The following MYO3A variants were observed in gnomAD, a reference collection of about 807,000 sequenced individuals.
MYO3A encodes the protein myosin IIIA, also known as myosin-IIIa.
A neutral mutation model predicts 192.7 loss-of-function variants in MYO3A; 180 were observed. The observed-to-expected ratio is 0.93, with a 90% confidence interval of 0.83 to 1.06. The LOEUF is 1.06. Among genes scored for constraint, MYO3A ranks in the 50% least tolerant of loss-of-function variants. The probability of loss-of-function intolerance (pLI) is 0.00; values close to 1 mark genes in which losing one functional copy is unlikely to be tolerated. For missense variants in MYO3A, 1,896 were observed against 1,905.0 expected, an observed-to-expected ratio of 1.00 and a Z score of 0.09; for synonymous variants, 628 against 645.3, an observed-to-expected ratio of 0.97 and a Z score of 0.41.
intron 2 of MYO3A, among the ~76,000 whole-genome samples, chr10:25,942,908 A>G (rs1457398228): frequency 6.6e-6 from 1 of 151,238 alleles, no homozygotes; most frequent in Non-Finnish European, 1.5e-5. Flanking sequence ...TCTGTTGTTA[A>G]TGTTTTGTAC....
intron 14 of MYO3A, among the ~76,000 whole-genome samples, chr10:26,077,233 G>GTTTTTTTTTTTTGT (rs1835634938): frequency 8.3e-5 from 3 of 36,284 alleles, no homozygotes; most frequent in African/African-American, 2.0e-4. Context: ...TATTCCTAAG[G>GTTTTTTTTTTTTGT]TTTTTTTTTT....
intron 17 of MYO3A, among the ~76,000 whole-genome samples, chr10:26,118,465 T>C (rs1443518981): frequency 2.0e-5 from 3 of 152,186 alleles, no homozygotes; most frequent in Non-Finnish European, 4.4e-5. Flanking sequence ...GCCACTGTTA[T>C]CTCTCACCTA....
chr10:26,140,742 TC>T (rs1285825634), intron 20 of MYO3A, among the ~76,000 whole-genome samples: 1 of 151,918 alleles, frequency 6.6e-6, no homozygotes, highest in East Asian at 1.9e-4. Context: ...GTGTGGGATT[TC>T]CTAACATCTA....
intron 15 of MYO3A, among the ~76,000 whole-genome samples, chr10:26,091,914 G>T (rs148229372): frequency 1.6e-3 from 250 of 152,312 alleles, no homozygotes; most frequent in African/African-American, 5.9e-3. Context: ...AGGCACAGGA[G>T]ACATAAAGCC....
At chr10:26,030,903 C>T (rs1842774233) in intron 10 of MYO3A, among the ~76,000 whole-genome samples, 1 of 152,170 alleles carries the variant, frequency 6.6e-6, no homozygotes, top group South Asian at 2.1e-4. Context: ...TAAAACACAT[C>T]ACTTTTCTAA....
At chr10:26,022,756 A>T (rs1239348510) in intron 8 of MYO3A, 1 of 152,204 alleles carries the variant, frequency 6.6e-6, no homozygotes, top group African/African-American at 2.4e-5. Context: ...CTGTGGATTA[A>T]ACCATCATAT....
intron 4 of MYO3A, among the ~76,000 whole-genome samples, chr10:25,968,547 C>T (rs765304747): frequency 6.6e-5 from 10 of 152,078 alleles, no homozygotes; most frequent in African/African-American, 1.2e-4. Context: ...AAAGAAAAAA[C>T]GCTTTTTAGA....
chr10:25,999,720 A>C (rs1030294684), intron 6 of MYO3A, among the ~76,000 whole-genome samples: 1 of 152,190 alleles, frequency 6.6e-6, no homozygotes, highest in Non-Finnish European at 1.5e-5. Flanking sequence ...CCTCATACTC[A>C]GAATGTCCAA....
intron 33 of MYO3A, 22 bp downstream of exon 33, chr10:26,201,327 C>A: frequency 6.5e-7 from 1 of 1,529,350 alleles, no homozygotes; most frequent in Non-Finnish European, 9.0e-7. Context: ...TTCTGGATTT[C>A]AATCAGTCAT....
intron 23 of MYO3A, among the ~76,000 whole-genome samples, chr10:26,151,171 TA>T (rs2131892159): frequency 6.6e-6 from 1 of 152,324 alleles, no homozygotes. Flanking sequence ...AAATGTTCCA[TA>T]AATGTCAATT....
chr10:26,016,273 T>TA (rs2131042938), intron 6 of MYO3A, among the ~76,000 whole-genome samples: 1 of 152,316 alleles, frequency 6.6e-6, no homozygotes, highest in African/African-American at 2.4e-5. Flanking sequence ...GATGTTGGTT[T>TA]AAATAGATAT....
At chr10:25,997,335 C>G (rs180930598) in intron 6 of MYO3A, 77 bp downstream of exon 6, 2 of 1,103,462 alleles carry the variant, frequency 1.8e-6, no homozygotes, top group Non-Finnish European at 2.8e-6. Context: ...TTTCGAATGG[C>G]CTTCCTTTCT....
chr10:26,147,086 G>A (rs926838682), intron 22 of MYO3A, among the ~76,000 whole-genome samples: 1 of 152,134 alleles, frequency 6.6e-6, no homozygotes, highest in African/African-American at 2.4e-5. Context: ...CATAGAAATA[G>A]GAATGCCTTT....
chr10:26,012,500 CA>C (rs1841727473), intron 6 of MYO3A, among the ~76,000 whole-genome samples: 1 of 151,810 alleles, frequency 6.6e-6, no homozygotes. Flanking sequence ...TAGCTGCAAA[CA>C]AAATAAAAAT....
chr10:26,165,791 T>C, intron 26 of MYO3A: 1 of 494,224 alleles, frequency 2.0e-6, no homozygotes, highest in Middle Eastern at 5.4e-4. Flanking sequence ...TTTTTTTGAC[T>C]GATGGAGTTC....
intron 17 of MYO3A, among the ~76,000 whole-genome samples, chr10:26,118,235 A>G (rs1452565976): frequency 6.6e-6 from 1 of 152,142 alleles, no homozygotes; most frequent in Non-Finnish European, 1.5e-5. Flanking sequence ...ATACAGCACA[A>G]TGTCAGATGC....
At chr10:26,100,009 T>C (rs931188797) in intron 17 of MYO3A, among the ~76,000 whole-genome samples, 1 of 152,230 alleles carries the variant, frequency 6.6e-6, no homozygotes, top group African/African-American at 2.4e-5. Context: ...TTTGTACCTC[T>C]GGTAGAATTC....
At chr10:25,957,066 C>G (rs1232338964) in intron 4 of MYO3A, among the ~76,000 whole-genome samples, 1 of 152,134 alleles carries the variant, frequency 6.6e-6, no homozygotes, top group Admixed American at 6.6e-5. Flanking sequence ...TGATCTCAGT[C>G]TTTTTTATGG....
chr10:26,182,630 G>A (rs1276565467), intron 31 of MYO3A, among the ~76,000 whole-genome samples: 1 of 152,138 alleles, frequency 6.6e-6, no homozygotes, highest in Non-Finnish European at 1.5e-5. Flanking sequence ...ATTATTCCAA[G>A]TTTTCACCTC....
Sources: allele counts gnomAD v4.1 joint callset (sites outside exome capture counted in the v4.1 genomes callset), GRCh38; gene constraint gnomAD v4.1.1; transcripts MANE v1.5; gene names NCBI Gene and HGNC (gene_info 2026-07-23, HGNC 2026-07-21).